Variants in CTNNA2 observed in about 807,000 individuals in gnomAD.
The protein encoded by CTNNA2 is catenin alpha-2.
Under a neutral mutation model 101.0 loss-of-function variants are expected in CTNNA2, and 42 were observed. The observed-to-expected ratio is 0.42, with a 90% confidence interval of 0.32 to 0.54. The LOEUF is 0.54. Ranked by LOEUF, CTNNA2 falls within the 20% of genes least tolerant of loss-of-function variation. CTNNA2 has a pLI of 0.14. For synonymous variants in CTNNA2, 450 were observed against 456.4 expected (o/e 0.99, Z 0.18); for missense variants, 871 against 1,223.1 (o/e 0.71, Z 4.29).
intron 2 of CTNNA2, among the ~76,000 whole-genome samples, chr2:79,218,353 T>TGTA (rs1305328019): frequency 3.3e-5 from 1 of 30,170 alleles, no homozygotes; most frequent in Non-Finnish European, 9.4e-5. Context: ...GTGTGTGTAT[T>TGTA]TTTTTTTTTT....
intron 2 of CTNNA2, among the ~76,000 whole-genome samples, chr2:79,729,875 A>G (rs1383833248): frequency 6.6e-6 from 1 of 152,128 alleles, no homozygotes; most frequent in African/African-American, 2.4e-5. Context: ...TAATGGAAGA[A>G]TAATAATGTA....
chr2:79,639,799 A>G (rs1434300236), intron 1 of CTNNA2, among the ~76,000 whole-genome samples: 1 of 152,216 alleles, frequency 6.6e-6, no homozygotes, highest in Admixed American at 6.5e-5. Flanking sequence ...AATAAAAGCT[A>G]CATTTTAAAG....
intron 2 of CTNNA2, among the ~76,000 whole-genome samples, chr2:79,265,764 T>C (rs1028143725): frequency 6.6e-6 from 1 of 152,204 alleles, no homozygotes; most frequent in Admixed American, 6.5e-5. Context: ...TGTTTGTGTA[T>C]AATTATTAGC....
At chr2:80,318,334 C>T (rs572687118) in intron 7 of CTNNA2, among the ~76,000 whole-genome samples, 61 of 152,210 alleles carry the variant, frequency 4.0e-4, no homozygotes, top group African/African-American at 1.4e-3. Flanking sequence ...TTTCTGTGTG[C>T]CCCTCCTCCC....
intron 3 of CTNNA2, among the ~76,000 whole-genome samples, chr2:79,819,718 T>C (rs1322263536): frequency 6.6e-6 from 1 of 152,146 alleles, no homozygotes; most frequent in African/African-American, 2.4e-5. Flanking sequence ...TAAGATCTAG[T>C]GTTTTGTAGC....
At chr2:80,444,158 C>A (rs897628033) in intron 9 of CTNNA2, among the ~76,000 whole-genome samples, 1 of 152,160 alleles carries the variant, frequency 6.6e-6, no homozygotes, top group African/African-American at 2.4e-5. Flanking sequence ...CTGAGTTCAG[C>A]TCTAAATTTT....
At chr2:80,529,016 G>C (rs918509753) in intron 9 of CTNNA2, among the ~76,000 whole-genome samples, 1 of 152,176 alleles carries the variant, frequency 6.6e-6, no homozygotes, top group South Asian at 2.1e-4. Context: ...CAACCAGAAA[G>C]GAACTTGGGA....
At chr2:80,449,536 CT>C (rs1199044813) in intron 9 of CTNNA2, among the ~76,000 whole-genome samples, 2 of 152,126 alleles carry the variant, frequency 1.3e-5, no homozygotes, top group Non-Finnish European at 2.9e-5. Context: ...GGATCCTCCT[CT>C]TGGTACATGT....
At chr2:79,409,319 C>A (rs1260225700) in intron 4 of CTNNA2, among the ~76,000 whole-genome samples, 1 of 152,004 alleles carries the variant, frequency 6.6e-6, no homozygotes, top group Non-Finnish European at 1.5e-5. Flanking sequence ...TCCCATTTGT[C>A]AATTTTGTCT....
At chr2:80,625,537 A>AT (rs754482255) in intron 18 of CTNNA2, among the ~76,000 whole-genome samples, 112 of 152,116 alleles carry the variant, frequency 7.4e-4, no homozygotes, top group South Asian at 1.5e-3. Context: ...TCTTTCTGTC[A>AT]TTTTTTGTAT....
intron 2 of CTNNA2, among the ~76,000 whole-genome samples, chr2:79,293,654 A>G (rs1675889549): frequency 6.6e-6 from 1 of 152,192 alleles, no homozygotes. Context: ...AAGGCCATTC[A>G]TGTAAATTAA....
chr2:79,780,484 C>T (rs1292664790), intron 3 of CTNNA2, among the ~76,000 whole-genome samples: 3 of 152,142 alleles, frequency 2.0e-5, no homozygotes, highest in Non-Finnish European at 4.4e-5. Context: ...AATACAGACC[C>T]CTCTGAGATT....
intron 9 of CTNNA2, among the ~76,000 whole-genome samples, chr2:80,487,199 T>C (rs912360631): frequency 2.0e-5 from 3 of 150,322 alleles, no homozygotes; most frequent in Non-Finnish European, 2.9e-5. Context: ...GAGAATCGCT[T>C]GAACCCAGGA....
chr2:79,850,427 C>T (rs1680611528), intron 3 of CTNNA2, among the ~76,000 whole-genome samples: 1 of 143,368 alleles, frequency 7.0e-6, no homozygotes, highest in Admixed American at 7.0e-5. Context: ...CCCTCCCTCT[C>T]TCCCTCCCTC....
chr2:79,198,599 A>G (rs1175113633), intron 2 of CTNNA2, among the ~76,000 whole-genome samples: 4 of 152,190 alleles, frequency 2.6e-5, no homozygotes. Context: ...TTCTTAAGAG[A>G]TATTCCCATC....
intron 1 of CTNNA2, among the ~76,000 whole-genome samples, chr2:79,533,562 A>G (rs969730669): frequency 2.6e-5 from 4 of 152,158 alleles, no homozygotes; most frequent in African/African-American, 9.7e-5. Context: ...ATTAAATAAT[A>G]TACAATTTTG....
At chr2:79,994,378 T>C (rs72622676) in intron 7 of CTNNA2, among the ~76,000 whole-genome samples, 25,529 of 152,196 alleles carry the variant, frequency 0.17, 2,371 homozygotes, top group East Asian at 0.26. Context: ...ATTTACCTGC[T>C]GTACTTTGTC....
intron 4 of CTNNA2, among the ~76,000 whole-genome samples, chr2:79,482,800 T>C (rs1476597247): frequency 1.3e-5 from 2 of 152,146 alleles, no homozygotes; most frequent in Non-Finnish European, 2.9e-5. Context: ...ACTAGAATAG[T>C]GGTTCTCAGA....
intron 7 of CTNNA2, among the ~76,000 whole-genome samples, chr2:80,194,095 G>A (rs899372274): frequency 6.6e-6 from 1 of 152,186 alleles, no homozygotes; most frequent in Non-Finnish European, 1.5e-5. Flanking sequence ...CTCATTTGCT[G>A]TTTAGCAATT....
Sources: allele counts gnomAD v4.1 joint callset (sites outside exome capture counted in the v4.1 genomes callset), GRCh38; gene constraint gnomAD v4.1.1; transcripts MANE v1.5; gene names NCBI Gene and HGNC (gene_info 2026-07-23, HGNC 2026-07-21).